The following PDCD11 variants were observed in gnomAD, a reference collection of about 807,000 sequenced individuals.
The protein encoded by PDCD11 is protein RRP5 homolog.
Under a neutral mutation model 198.9 loss-of-function variants are expected in PDCD11, and 97 were observed. The observed-to-expected ratio is 0.49, with a 90% CI of 0.41 to 0.58. PDCD11 has a LOEUF of 0.58. Among genes scored for constraint, PDCD11 ranks in the 20% least tolerant of loss-of-function variants. The pLI, the probability that PDCD11 is intolerant of heterozygous loss-of-function variation, is 0.00. For missense variants in PDCD11, 2,102 were observed against 2,312.7 expected (o/e 0.91, Z 1.87); for synonymous variants, 893 against 918.0 (o/e 0.97, Z 0.49).
rs143185669 is a variant in PDCD11 at position 103,444,000 on chromosome 10, G to A, written c.5210G>A (p.Arg1737Gln). The A allele has an allele frequency of 7.7e-5, 124 of 1,613,358 alleles. 1 individual carries two copies. The East Asian group carries it at 2.1e-3, about 28-fold the overall frequency. ...ATCAAATACGGCGCCTTCCTTCTGC[G>A]GAGGAGCCAGGCTGCAGCCAGTCAC... The part of the protein sequence containing the change: ...VWIKYGAFLL[R>Q]RSQAAASHRV... The change falls in exon 34 of 36, where the codon CGG becomes CAG. Residue 1737 changes from arginine to glutamine, a missense_variant. Transcript: ENST00000369797.
chr10:103,421,587 G>A lies in PDCD11; in HGVS notation c.2497+20G>A. The A allele has an allele frequency of 6.5e-7, 1 of 1,528,850 alleles. No individual in the cohort carries two copies. The highest frequency in any genetic ancestry group is 8.9e-7 in the Non-Finnish European group (1 of 1,127,508). 94.7% of individuals were successfully genotyped at this position (1,528,850 alleles called of 1,614,324 possible). On this transcript the variant is annotated intron_variant, in intron 17 of 35. Transcript: ENST00000369797. ...ACCGAGGTGGGGCACCTGTGGGGCA[G>A]GGGAGGTGGGCCAGGGGTGGGAGTA...
rs762141491 is a variant in PDCD11 at position 103,413,169 on chromosome 10, C to T, written c.1032C>T (p.Ser344=). Residue 344 remains serine, a synonymous_variant, in exon 9 of 36, where the codon AGC becomes AGT. Coordinates refer to ENST00000369797, the MANE Select transcript of PDCD11 (RefSeq NM_014976.2). ...VHPRTRVVHL[S]LRPIFLQPGR... Reference sequence around the variant, plus strand: ...CTCGAACCAGAGTTGTGCACCTGAGCCTGCGCCCCATCTTCCTACAGCCTG... The same window carrying T: ...CTCGAACCAGAGTTGTGCACCTGAGTCTGCGCCCCATCTTCCTACAGCCTG... 5 of 1,614,152 alleles carry T rather than the reference C, an allele frequency of 3.1e-6. No individual in the cohort carries two copies. The South Asian group carries it at 5.5e-5, about 18-fold the overall frequency.
intron 7 of PDCD11, among the ~76,000 whole-genome samples, chr10:103,407,390 C>T (rs1200063248): frequency 6.6e-6 from 1 of 151,916 alleles, no homozygotes; most frequent in African/African-American, 2.4e-5. Flanking sequence ...GGTGAAACCC[C>T]GTCTCTGCTA....
Position 103,445,415 on chromosome 10 carries a change from C to T in PDCD11, c.5482C>T (p.Pro1828Ser), listed in dbSNP as rs1260782161. ...GCGGGTCATTCATCTGAGCTTGGCC[C>T]CCAAGAGAATGAAGTTCTTCTTCAA... ...FERVIHLSLAPKRMKFFFKRY... is the reference protein window; with the variant it reads ...FERVIHLSLASKRMKFFFKRY... The change falls in exon 36 of 36, where the codon CCC (proline) becomes TCC (serine). Residue 1828 changes from proline to serine, a missense_variant. Pro to Ser is a moderately conservative substitution (Grantham distance 74). Transcript: ENST00000369797. The T allele has an allele frequency of 6.2e-7, 1 of 1,614,198 alleles. No homozygotes were observed. Among genetic ancestry groups the T allele is most frequent in the Non-Finnish European group, 8.5e-7 (1 of 1,180,044 alleles).
In PDCD11 at chr10:103,406,593, G is replaced by T; in HGVS notation, c.689-16G>T. On this transcript the variant is annotated splice_polypyrimidine_tract_variant and intron_variant, in intron 6 of 35. Transcript: ENST00000369797. ...AGATACATTTTTCCTTTTGGGGCCT[G>T]GGTCTGGGCTTACAGGTGCTAAACT... 6.2e-7 allele frequency: 1 copy of T among 1,607,578 alleles called. No individual in the cohort carries two copies. The highest frequency in any genetic ancestry group is 1.1e-5 in the South Asian group (1 of 90,072).
In PDCD11 at chr10:103,416,561, T is replaced by C; in HGVS notation, c.1589T>C (p.Leu530Pro). The change falls in exon 13 of 36, where the codon CTA (leucine) becomes CCA (proline). Residue 530 changes from leucine to proline, a missense_variant. Leu to Pro is a moderately conservative substitution (Grantham distance 98). Transcript: ENST00000369797. ...AAAAAAACCCTGATTGAGTCCAAAC[T>C]ACCTGTCATTACCTGCTATGCCGAT... ...TLKKTLIESK[L>P]PVITCYADAK... is the part of the protein sequence containing the mutation. 6.2e-7 allele frequency: 1 copy of C among 1,614,162 alleles called. No individual in the cohort carries two copies. The highest frequency in any genetic ancestry group is 2.2e-5 in the East Asian group (1 of 44,884).
chr10:103,440,861 C>A lies in PDCD11; in HGVS notation c.4557+11C>A. The A allele has an allele frequency of 6.3e-7, 1 of 1,581,048 alleles. No homozygotes were observed. Among genetic ancestry groups the A allele is most frequent in the Non-Finnish European group, 8.6e-7 (1 of 1,156,426 alleles). ...AATGTGCTGCCCAAGGTGAGGGTGA[C>A]GTCGCGGGGAGGGGAAGGCTGCTCC... On this transcript the variant is annotated intron_variant, in intron 30 of 35. Coordinates refer to ENST00000369797, the MANE Select transcript of PDCD11 (RefSeq NM_014976.2).
At chr10:103,428,113 CTGACCA>C (rs2031775121) in intron 21 of PDCD11, among the ~76,000 whole-genome samples, 1 of 152,112 alleles carries the variant, frequency 6.6e-6, no homozygotes, top group Non-Finnish European at 1.5e-5. Context: ...CCAGACTAGC[CTGACCA>C]ACATGGCGAA....
intron 21 of PDCD11, among the ~76,000 whole-genome samples, chr10:103,428,069 G>A (rs950822034): frequency 1.6e-4 from 24 of 152,160 alleles, no homozygotes; most frequent in African/African-American, 5.3e-4. Flanking sequence ...ACTTTTGGAG[G>A]CTGAGGCAGA....
At chr10:103,405,934 T>C (rs374688709) in intron 5 of PDCD11, 51 bp from the exon 6 acceptor site, 1 of 1,591,708 alleles carries the variant, frequency 6.3e-7, no homozygotes, top group Non-Finnish European at 8.6e-7. Flanking sequence ...GTTTTGTGTG[T>C]GTCCCATTAC....
chr10:103,425,021 A>G lies in PDCD11; in HGVS notation c.2801A>G (p.His934Arg). The G allele has an allele frequency of 6.2e-7, 1 of 1,614,258 alleles. No homozygotes were observed. ...KGSEHQAIVQ[H>R]LEKSFAIASL... Reference sequence around the variant, plus strand: ...AGCGAACACCAGGCGATTGTGCAGCACTTGGAGAAGTCCTTTGCCATTGCC... The same window carrying G: ...AGCGAACACCAGGCGATTGTGCAGCGCTTGGAGAAGTCCTTTGCCATTGCC... Residue 934 changes from histidine (H) to arginine (R), a missense_variant, in exon 20 of 36, where the codon CAC (histidine) becomes CGC (arginine). Transcript: ENST00000369797.
intron 19 of PDCD11, among the ~76,000 whole-genome samples, chr10:103,424,199 C>T (rs2031582566): frequency 6.6e-6 from 1 of 152,182 alleles, no homozygotes; most frequent in South Asian, 2.1e-4. Context: ...ACACCCTCGC[C>T]TGCCTTGTCT....
chr10:103,443,395 C>T, intron 33 of PDCD11, 62 bp downstream of exon 33: 2 of 1,467,098 alleles, frequency 1.4e-6, no homozygotes, highest in Non-Finnish European at 1.9e-6. Context: ...CAGAGAAGAG[C>T]CCCTGGGGTG....
At position 103,421,461 on chromosome 10, in the gene PDCD11, G is replaced by T; in HGVS notation, c.2391G>T (p.Leu797=). ...AGAAGCAGCGGATGCTGCTGTCACTGCGGCTGTCGGACTGTGGTCTGGGGG... is the reference window on the plus strand; with the variant it reads ...AGAAGCAGCGGATGCTGCTGTCACTTCGGCTGTCGGACTGTGGTCTGGGGG... ...DEEKQRMLLS[L]RLSDCGLGDL... Residue 797 remains leucine (L), a synonymous_variant, in exon 17 of 36, where the codon CTG becomes CTT. Coordinates refer to ENST00000369797, the MANE Select transcript of PDCD11 (RefSeq NM_014976.2). The T allele has an allele frequency of 6.2e-7, 1 of 1,602,916 alleles. No homozygotes were observed. Among genetic ancestry groups the T allele is most frequent in the African/African-American group, 1.3e-5 (1 of 74,958 alleles).
Position 103,445,471 on chromosome 10 carries a change from C to A in PDCD11, c.5538C>A (p.Gly1846=). The stretch of plus-strand genomic sequence containing the variant: ...ACCTGGACTACGAGAAGCAGCATGG[C>A]ACTGAGAAGGATGTGCAGGCAGTCA... ...KRYLDYEKQH[G]TEKDVQAVKA... The change falls in exon 36 of 36, where the codon GGC becomes GGA. Residue 1846 remains glycine (G), a synonymous_variant. Transcript: ENST00000369797. 1 of 1,614,164 alleles carries A rather than the reference C, an allele frequency of 6.2e-7. No individual in the cohort carries two copies. The highest frequency in any genetic ancestry group is 2.2e-5 in the East Asian group (1 of 44,884).
intron 4 of PDCD11, 59 bp from the exon 5 acceptor site, chr10:103,404,963 A>G (rs2133679471): frequency 1.3e-6 from 2 of 1,535,136 alleles, no homozygotes; most frequent in Middle Eastern, 1.7e-4. Flanking sequence ...AAGCTGGGTA[A>G]TGGATTTTTG....
intron 22 of PDCD11, among the ~76,000 whole-genome samples, chr10:103,433,197 T>C (rs1592136948): frequency 1.3e-5 from 2 of 152,230 alleles, no homozygotes; most frequent in East Asian, 3.9e-4. Context: ...ACTAGAAAAT[T>C]GGAGTATGTA....
chr10:103,437,723 T>G (rs2032209111), intron 25 of PDCD11, among the ~76,000 whole-genome samples: 1 of 151,730 alleles, frequency 6.6e-6, no homozygotes. Flanking sequence ...CTCCTGACCT[T>G]GTGATCCGCC....
chr10:103,398,972 C>G (rs2093450642), intron 2 of PDCD11, among the ~76,000 whole-genome samples: 1 of 152,164 alleles, frequency 6.6e-6, no homozygotes, highest in South Asian at 2.1e-4. Context: ...CAATATTGTG[C>G]CACTGCTCTC....
Sources: gnomAD v4.1 joint callset for allele counts (sites outside exome capture counted in the v4.1 genomes callset) on GRCh38, gnomAD v4.1.1 for gene constraint, MANE v1.5 for transcripts, NCBI Gene and HGNC (gene_info 2026-07-23, HGNC 2026-07-21) for gene names.